The following KHDRBS3 variants were observed in gnomAD, a reference collection of about 807,000 sequenced individuals.
The protein encoded by KHDRBS3 is KH RNA binding domain containing, signal transduction associated 3.
In KHDRBS3, 23 loss-of-function variants were observed where a neutral mutation model predicts 45.6. That is an observed-to-expected ratio of 0.50 (90% confidence interval 0.36 to 0.72). The LOEUF (loss-of-function observed/expected upper bound fraction) is 0.72. Ranked by LOEUF, KHDRBS3 falls within the 30% of genes least tolerant of loss-of-function variation. The probability of loss-of-function intolerance (pLI) is 0.00; values close to 1 mark genes in which losing one functional copy is unlikely to be tolerated. For missense variants in KHDRBS3, 352 were observed against 424.8 expected (o/e 0.83, Z 1.51); for synonymous variants, 162 against 156.5 (o/e 1.04, Z -0.26).
intron 1 of KHDRBS3, among the ~76,000 whole-genome samples, chr8:135,482,048 C>T (rs1234196388): frequency 3.3e-5 from 5 of 152,126 alleles, no homozygotes; most frequent in Non-Finnish European, 7.4e-5. Context: ...GGGCAGAGAG[C>T]TTTCTTTGGC....
At chr8:135,460,857 G>A (rs1821393234) in intron 1 of KHDRBS3, among the ~76,000 whole-genome samples, 1 of 152,100 alleles carries the variant, frequency 6.6e-6, no homozygotes, top group Non-Finnish European at 1.5e-5. Flanking sequence ...TTATAGATGA[G>A]GTGTAGTCGT....
At chr8:135,546,962 T>C (rs550154141) in intron 3 of KHDRBS3, among the ~76,000 whole-genome samples, 23 of 152,346 alleles carry the variant, frequency 1.5e-4, no homozygotes, top group African/African-American at 5.5e-4. Flanking sequence ...AATGCTTGAA[T>C]AATAATGAAC....
At chr8:135,518,507 G>C (rs764472371) in intron 1 of KHDRBS3, among the ~76,000 whole-genome samples, 28 of 152,216 alleles carry the variant, frequency 1.8e-4, no homozygotes, top group Middle Eastern at 3.4e-3. Context: ...GGAGGCAGTT[G>C]AATCTATTTT....
intron 6 of KHDRBS3, among the ~76,000 whole-genome samples, chr8:135,586,356 G>A (rs778798381): frequency 3.9e-5 from 6 of 151,914 alleles, no homozygotes; most frequent in Non-Finnish European, 7.4e-5. Context: ...TCCACTAGCC[G>A]AGGTTATAAA....
At chr8:135,535,565 T>G (rs1163127084) in intron 2 of KHDRBS3, among the ~76,000 whole-genome samples, 1 of 151,744 alleles carries the variant, frequency 6.6e-6, no homozygotes. Flanking sequence ...GATAGAACAG[T>G]TATTATATAT....
At position 135,647,112 on chromosome 8, in the gene KHDRBS3, C is replaced by G. The variant is rs1304653070; in HGVS notation, c.*28C>G. On this transcript the variant is annotated 3_prime_UTR_variant, in exon 9 of 9. Transcript: ENST00000355849. ...GTACTGTCTGATGTTGTGAAATAGC[C>G]AATCTCCACCAGTCCTGTATACTGT... The G allele has an allele frequency of 1.7e-6, 2 of 1,178,170 alleles. No individual in the cohort carries two copies. Among genetic ancestry groups the G allele is most frequent in the Admixed American group, 1.7e-5 (1 of 59,060 alleles). The allele number at this position is 1,178,170 out of a possible 1,614,324, so 73.0% of individuals were successfully genotyped here.
In KHDRBS3 at chr8:135,487,009, C is replaced by T. The variant is rs972131574; in HGVS notation, c.88+29055C>T. Among the ~76,000 whole-genome samples, 31 of 152,072 alleles carry T rather than the reference C, an allele frequency of 2.0e-4. 1 individual carries two copies. The highest frequency in any genetic ancestry group is 4.3e-4 in the Non-Finnish European group (29 of 68,018). ...GGTATTTTGACCATAAACCTTTAGA[C>T]CTATTTAAAACAAATTTTCTTCCTT... On this transcript the variant is annotated intron_variant, in intron 1 of 8. Coordinates refer to ENST00000355849, the MANE Select transcript of KHDRBS3 (RefSeq NM_006558.3).
intron 1 of KHDRBS3, among the ~76,000 whole-genome samples, chr8:135,459,620 G>T (rs890493554): frequency 1.1e-4 from 16 of 152,164 alleles, no homozygotes; most frequent in African/African-American, 3.9e-4. Context: ...GTGGACTCAA[G>T]TGCATTTTTC....
intron 7 of KHDRBS3, among the ~76,000 whole-genome samples, chr8:135,620,911 G>T (rs754334556): frequency 1.3e-4 from 20 of 152,150 alleles, no homozygotes; most frequent in Non-Finnish European, 1.9e-4. Flanking sequence ...GGACCCTTTT[G>T]TACTCATGTT....
Position 135,499,884 on chromosome 8 carries a change from C to G in KHDRBS3, c.89-21353C>G, listed in dbSNP as rs377177273. ...CATTCCTGTGCTAGAGTTCTTACCC[C>G]CTTCTAACCCCACAAAATTAAAAAT... On this transcript the variant is annotated intron_variant, in intron 1 of 8. Coordinates refer to ENST00000355849, the MANE Select transcript of KHDRBS3 (RefSeq NM_006558.3). Among the ~76,000 whole-genome samples the G allele has an allele frequency of 5.3e-5, 8 of 152,056 alleles. No homozygotes were observed. The East Asian group carries it at 1.3e-3, about 26-fold the overall frequency.
At chr8:135,476,334 G>A (rs1401142971) in intron 1 of KHDRBS3, among the ~76,000 whole-genome samples, 1 of 151,990 alleles carries the variant, frequency 6.6e-6, no homozygotes, top group Non-Finnish European at 1.5e-5. Context: ...AGTAGAGATG[G>A]GGTTTCACCA....
At chr8:135,502,766 C>T (rs78355883) in intron 1 of KHDRBS3, among the ~76,000 whole-genome samples, 3,071 of 152,214 alleles carry the variant, frequency 0.02, 49 homozygotes, top group Non-Finnish European at 0.032. Context: ...TGTAAGCACT[C>T]GGTAAATTCT....
In KHDRBS3 at chr8:135,647,111, C is replaced by CCAAT. The variant is rs759698721; in HGVS notation, c.*29_*32dup. The CCAAT allele has an allele frequency of 6.4e-5, 75 of 1,177,710 alleles. No individual in the cohort carries two copies. The Middle Eastern group carries it at 7.6e-4, about 12-fold the overall frequency. 73.0% of individuals were successfully genotyped at this position (1,177,710 alleles called of 1,614,324 possible). On this transcript the variant is annotated 3_prime_UTR_variant, in exon 9 of 9. Coordinates refer to ENST00000355849, the MANE Select transcript of KHDRBS3 (RefSeq NM_006558.3). ...TGTACTGTCTGATGTTGTGAAATAGCCAATCTCCACCAGTCCTGTATACTG... is the reference window on the plus strand; with the variant it reads ...TGTACTGTCTGATGTTGTGAAATAGCCAATCAATCTCCACCAGTCCTGTATACTG...
chr8:135,548,718 C>T (rs550131993), intron 3 of KHDRBS3, 36 bp from the exon 4 acceptor site: 107 of 1,417,522 alleles, frequency 7.5e-5, no homozygotes, highest in Middle Eastern at 5.5e-4. Flanking sequence ...TATAATGACA[C>T]GTTTTTAAAT....
chr8:135,493,469 TTTTA>T lies in KHDRBS3; in HGVS notation c.89-27765_89-27762del, dbSNP rs564831352. On this transcript the variant is annotated intron_variant, in intron 1 of 8. Transcript: ENST00000355849. Reference sequence around the variant, plus strand: ...TCTTTATTAGGTTGAAGAAGTTTCTTTTTATTCCTGTTTTGCTGCAAGTTTTTAT... The same window carrying T: ...TCTTTATTAGGTTGAAGAAGTTTCTTTTCCTGTTTTGCTGCAAGTTTTTAT... Among the ~76,000 whole-genome samples the T allele has an allele frequency of 1.1e-4, 16 of 152,262 alleles. No individual in the cohort carries two copies. In the South Asian group the frequency reaches 3.1e-3, roughly 30 times the overall value.
At chr8:135,528,046 C>T (rs1380921122) in intron 2 of KHDRBS3, among the ~76,000 whole-genome samples, 1 of 152,126 alleles carries the variant, frequency 6.6e-6, no homozygotes, top group Non-Finnish European at 1.5e-5. Context: ...TATGTTAAGT[C>T]TATAAGTTTA....
chr8:135,606,898 T>G, intron 6 of KHDRBS3, 57 bp from the exon 7 acceptor site: 5 of 1,350,088 alleles, frequency 3.7e-6, no homozygotes, highest in Non-Finnish European at 5.3e-6. Flanking sequence ...AGCAGAATGC[T>G]TCTTTCTTTT....
intron 2 of KHDRBS3, among the ~76,000 whole-genome samples, chr8:135,527,279 A>G (rs1825240954): frequency 1.3e-5 from 2 of 152,184 alleles, no homozygotes; most frequent in South Asian, 4.1e-4. Context: ...GTTGCCCTGA[A>G]AGAACAAAGA....
intron 1 of KHDRBS3, among the ~76,000 whole-genome samples, chr8:135,483,885 A>G (rs1308558787): frequency 1.3e-5 from 2 of 152,184 alleles, no homozygotes; most frequent in Non-Finnish European, 2.9e-5. Context: ...TAGAGCATAA[A>G]TGAAGAATTC....
Sources: gnomAD v4.1 joint callset for allele counts (sites outside exome capture counted in the v4.1 genomes callset) on GRCh38, gnomAD v4.1.1 for gene constraint, MANE v1.5 for transcripts, NCBI Gene and HGNC (gene_info 2026-07-23, HGNC 2026-07-21) for gene names.